The following ABI3BP variants were observed in gnomAD, a reference collection of about 807,000 sequenced individuals.
The protein encoded by ABI3BP is ABI family member 3 binding protein.
In ABI3BP, 216 loss-of-function variants were observed where a neutral mutation model predicts 268.6. The ratio of observed to expected loss-of-function variants is 0.80; its 90% CI spans 0.72 to 0.90. ABI3BP has a LOEUF of 0.90. Among genes scored for constraint, ABI3BP ranks in the 40% least tolerant of loss-of-function variants. ABI3BP has a pLI of 0.00. For missense variants in ABI3BP, 2,090 were observed against 2,182.4 expected, an observed-to-expected ratio of 0.96 and a Z score of 0.84; for synonymous variants, 730 against 730.0, an observed-to-expected ratio of 1.00 and a Z score of 0.00.
chr3:100,757,529 G>C (rs2095687122), intron 63 of ABI3BP, among the ~76,000 whole-genome samples: 1 of 150,670 alleles, frequency 6.6e-6, no homozygotes, highest in Non-Finnish European at 1.5e-5. Context: ...CTAAAGAATA[G>C]TATCAAAGTA....
At chr3:100,897,829 G>A (rs2048438120) in intron 4 of ABI3BP, among the ~76,000 whole-genome samples, 2 of 152,142 alleles carry the variant, frequency 1.3e-5, no homozygotes, top group East Asian at 1.9e-4. Flanking sequence ...CTTCTGAAAT[G>A]TAAAAATCAC....
intron 1 of ABI3BP, among the ~76,000 whole-genome samples, chr3:100,980,076 C>T (rs1001496691): frequency 6.6e-6 from 1 of 152,116 alleles, no homozygotes; most frequent in Non-Finnish European, 1.5e-5. Flanking sequence ...TTCAAAATCA[C>T]TTGTTTTGCT....
chr3:100,760,446 G>A (rs1057137070), intron 63 of ABI3BP, among the ~76,000 whole-genome samples: 6 of 152,126 alleles, frequency 3.9e-5, no homozygotes, highest in African/African-American at 1.2e-4. Flanking sequence ...ATCAAAATGT[G>A]TGCTAGAAAC....
At chr3:100,878,341 T>C (rs1160557747) in intron 6 of ABI3BP, among the ~76,000 whole-genome samples, 1 of 152,250 alleles carries the variant, frequency 6.6e-6, no homozygotes, top group East Asian at 1.9e-4. Flanking sequence ...TATTTATTTC[T>C]TGTAAGCCAA....
At chr3:100,944,739 C>A (rs1407083997) in intron 1 of ABI3BP, among the ~76,000 whole-genome samples, 3 of 152,102 alleles carry the variant, frequency 2.0e-5, no homozygotes, top group Non-Finnish European at 2.9e-5. Flanking sequence ...TTCATAAATA[C>A]CCAGTACTGA....
At chr3:100,773,486 G>A (rs757774244) in intron 61 of ABI3BP, among the ~76,000 whole-genome samples, 2 of 152,174 alleles carry the variant, frequency 1.3e-5, no homozygotes, top group South Asian at 2.1e-4. Context: ...GGAGGAACTA[G>A]AACTCTCATC....
Position 100,917,000 on chromosome 3 carries a change from A to C in ABI3BP, c.259+9302T>G, listed in dbSNP as rs143071046. ...GTCAACCATGACTCTATGCCAGATAAAACAGGGTATATAGTTACTTTACTA... is the reference window on the plus strand; with the variant it reads ...GTCAACCATGACTCTATGCCAGATACAACAGGGTATATAGTTACTTTACTA... On this transcript the variant is annotated intron_variant, in intron 2 of 67. Transcript: ENST00000471714. Among the ~76,000 whole-genome samples, 58 of 152,224 alleles carry C rather than the reference A, an allele frequency of 3.8e-4. 2 individuals carry two copies. Among genetic ancestry groups the C allele is most frequent in the Admixed American group, 3.8e-3 (58 of 15,286 alleles).
intron 63 of ABI3BP, among the ~76,000 whole-genome samples, chr3:100,761,615 A>G (rs2095953458): frequency 6.6e-6 from 1 of 152,122 alleles, no homozygotes; most frequent in African/African-American, 2.4e-5. Flanking sequence ...GAAAACAAGC[A>G]GGAGAAGGTT....
At chr3:100,933,018 A>G (rs2064234094) in intron 1 of ABI3BP, among the ~76,000 whole-genome samples, 1 of 152,038 alleles carries the variant, frequency 6.6e-6, no homozygotes, top group African/African-American at 2.4e-5. Flanking sequence ...CTAATCTTTC[A>G]TAAGGTTATC....
intron 38 of ABI3BP, among the ~76,000 whole-genome samples, chr3:100,821,925 G>A (rs751468431): frequency 6.6e-6 from 1 of 152,032 alleles, no homozygotes; most frequent in East Asian, 1.9e-4. Context: ...TATATCAGTT[G>A]TCCAGTTAGA....
chr3:100,839,960 A>G, intron 23 of ABI3BP, 112 bp downstream of exon 23: 1 of 831,048 alleles, frequency 1.2e-6, no homozygotes, highest in Non-Finnish European at 1.9e-6. Flanking sequence ...GCTCAGTTAT[A>G]AAAGTCAATT....
intron 31 of ABI3BP, 45 bp downstream of exon 31, chr3:100,832,219 G>A (rs919150924): frequency 5.5e-5 from 83 of 1,496,002 alleles, no homozygotes; most frequent in East Asian, 2.0e-4. Context: ...AGTCCCAACC[G>A]TGGTAGACTG....
chr3:100,879,567 A>T (rs1352832956), intron 6 of ABI3BP, among the ~76,000 whole-genome samples: 2 of 152,176 alleles, frequency 1.3e-5, no homozygotes, highest in Non-Finnish European at 2.9e-5. Flanking sequence ...CCATTTTTTG[A>T]CAAGGACAAA....
At chr3:100,776,192 GAGA>G (rs2096699260) in intron 59 of ABI3BP, among the ~76,000 whole-genome samples, 1 of 152,154 alleles carries the variant, frequency 6.6e-6, no homozygotes, top group South Asian at 2.1e-4. Flanking sequence ...TTCCACCGGG[GAGA>G]AGGAGTCACT....
chr3:100,963,300 A>G (rs1046231523), intron 1 of ABI3BP, among the ~76,000 whole-genome samples: 2 of 152,166 alleles, frequency 1.3e-5, no homozygotes, highest in Admixed American at 6.5e-5. Context: ...CATTTTTTCA[A>G]TGCTCACTGT....
At chr3:100,868,399 C>T (rs1036133423) in intron 9 of ABI3BP, among the ~76,000 whole-genome samples, 1 of 152,180 alleles carries the variant, frequency 6.6e-6, no homozygotes, top group East Asian at 1.9e-4. Context: ...CCCTAAGGGA[C>T]AAAATTGCTC....
chr3:100,849,930 G>T, intron 17 of ABI3BP, 115 bp downstream of exon 17: 1 of 828,038 alleles, frequency 1.2e-6, no homozygotes, highest in Non-Finnish European at 2.0e-6. Context: ...AGACTGAAGG[G>T]AAATATTTAG....
At chr3:100,830,110 C>CATATATATATATATATATATATATATAT (rs559297681) in intron 32 of ABI3BP, among the ~76,000 whole-genome samples, 1 of 44,760 alleles carries the variant, frequency 2.2e-5, no homozygotes, top group African/African-American at 9.8e-5. Flanking sequence ...TACATACATA[C>CATATATATATATATATATATATATATAT]ATATATATAT....
intron 49 of ABI3BP, among the ~76,000 whole-genome samples, chr3:100,808,890 T>C (rs2097779236): frequency 6.6e-6 from 1 of 152,048 alleles, no homozygotes; most frequent in Non-Finnish European, 1.5e-5. Flanking sequence ...AAAGGAATTA[T>C]CAGATGCAAG....
Sources: gnomAD v4.1 joint callset for allele counts (sites outside exome capture counted in the v4.1 genomes callset) on GRCh38, gnomAD v4.1.1 for gene constraint, MANE v1.5 for transcripts, NCBI Gene and HGNC (gene_info 2026-07-23, HGNC 2026-07-21) for gene names.